The following SOX5 variants were observed in gnomAD, a reference collection of about 807,000 sequenced individuals.
SOX5 encodes transcription factor SOX-5.
In SOX5, 9 loss-of-function variants were observed where a neutral mutation model predicts 92.0. The ratio of observed to expected loss-of-function variants is 0.10; its 90% CI spans 0.06 to 0.17. The LOEUF (loss-of-function observed/expected upper bound fraction) is 0.17, where lower values mean the gene tolerates loss of function less well. Ranked by LOEUF, SOX5 falls within the 10% of genes least tolerant of loss-of-function variation. The probability of loss-of-function intolerance (pLI) is 1.00; values close to 1 mark genes in which losing one functional copy is unlikely to be tolerated. For synonymous variants in SOX5, 344 were observed against 336.3 expected, an observed-to-expected ratio of 1.02 and a Z score of -0.25; for missense variants, 642 against 944.5, an observed-to-expected ratio of 0.68 and a Z score of 4.20.
intron 1 of SOX5, among the ~76,000 whole-genome samples, chr12:23,930,469 C>A (rs148321143): frequency 3.3e-5 from 5 of 151,700 alleles, no homozygotes; most frequent in Non-Finnish European, 2.9e-5. Context: ...GAATTTGCAA[C>A]ATAGACTCAT....
At chr12:24,452,596 C>T (rs1035081777) in intron 1 of SOX5, among the ~76,000 whole-genome samples, 2 of 152,164 alleles carry the variant, frequency 1.3e-5, no homozygotes, top group African/African-American at 4.8e-5. Context: ...AAGGACATCA[C>T]CCTGCCTGTT....
intron 1 of SOX5, among the ~76,000 whole-genome samples, chr12:24,510,998 A>G (rs1448800677): frequency 6.6e-6 from 1 of 152,232 alleles, no homozygotes; most frequent in Non-Finnish European, 1.5e-5. Flanking sequence ...CTTGCTTCAC[A>G]TATGAGTATC....
At chr12:24,185,931 C>G (rs1955971888) in intron 4 of SOX5, among the ~76,000 whole-genome samples, 1 of 152,072 alleles carries the variant, frequency 6.6e-6, no homozygotes, top group Admixed American at 6.6e-5. Flanking sequence ...TGAACTCTGG[C>G]TTCATACCTA....
At chr12:24,555,272 G>T (rs2139010552) in intron 1 of SOX5, among the ~76,000 whole-genome samples, 1 of 152,334 alleles carries the variant, frequency 6.6e-6, no homozygotes, top group South Asian at 2.1e-4. Flanking sequence ...GTAAGGAAAT[G>T]AAGAGAGTTC....
chr12:24,384,521 T>G (rs979989393), intron 1 of SOX5, among the ~76,000 whole-genome samples: 3 of 152,018 alleles, frequency 2.0e-5, no homozygotes, highest in Non-Finnish European at 4.4e-5. Flanking sequence ...CTTTAAAAAG[T>G]GAAAAGGTGA....
intron 1 of SOX5, among the ~76,000 whole-genome samples, chr12:23,908,654 GA>G (rs2138289127): frequency 6.6e-6 from 1 of 151,646 alleles, no homozygotes. Flanking sequence ...TAAATTTTCC[GA>G]ACTTCTCAGC....
rs555079802 is a variant in SOX5 at position 24,309,068 on chromosome 12, G to T, written c.-173-31756C>A. 3.5e-3 allele frequency among the ~76,000 whole-genome samples: 535 copies of T among 152,288 alleles called. 1 individual carries two copies. The highest frequency in any genetic ancestry group is 6.5e-3 in the Non-Finnish European group (442 of 68,020). On this transcript the variant is annotated intron_variant, in intron 2 of 4. Coordinates refer to the SOX5 transcript ENST00000446891. ...TACATCCCTCCTCCAAAAGGGCTGG[G>T]ATTTTTCAAATAGAAACTGCAGAGA...
Position 23,872,147 on chromosome 12 carries a change from G to A in SOX5, c.270+23646C>T, listed in dbSNP as rs1429874986. Reference sequence around the variant, plus strand: ...CGAGTAGCTGGGACTACAGGCGCCCGCCACCACGCCCGGCTAATTTTTTTT... The same window carrying A: ...CGAGTAGCTGGGACTACAGGCGCCCACCACCACGCCCGGCTAATTTTTTTT... On this transcript the variant is annotated intron_variant, in intron 2 of 14. Coordinates refer to ENST00000451604, the MANE Select transcript of SOX5 (RefSeq NM_006940.6). 1.0e-4 allele frequency among the ~76,000 whole-genome samples: 13 copies of A among 129,738 alleles called. No homozygotes were observed. In the East Asian group the frequency reaches 1.6e-3, roughly 16 times the overall value. The allele number at this position is 129,738 out of a possible 152,430, so 85.1% of individuals were successfully genotyped here. A position where few individuals can be genotyped will look rare whatever the true frequency, so the allele number is the denominator to read the frequency against.
In SOX5 at chr12:23,604,407, T is replaced by C. The variant is rs1346048404; in HGVS notation, c.1144A>G (p.Ser382Gly). Reference sequence around the variant, plus strand: ...GGTACCTTGCTTTTGGGTGGTGGGCTGTTTGTGCTCTTGTCTGTGTGAATG... The same window carrying C: ...GGTACCTTGCTTTTGGGTGGTGGGCCGTTTGTGCTCTTGTCTGTGTGAATG... Reference protein sequence around the residue: ...TSIHTDKSTNSPPPKSKDEVA... With the variant: ...TSIHTDKSTNGPPPKSKDEVA... The change falls in exon 9 of 15, where the codon AGC (serine) becomes GGC (glycine). Residue 382 changes from serine (S) to glycine (G), a missense_variant. By Grantham distance (56) the Ser-to-Gly change is moderately conservative (BLOSUM62 0). Transcript: ENST00000451604. 6.2e-7 allele frequency: 1 copy of C among 1,613,658 alleles called. No individual in the cohort carries two copies.
chr12:24,113,404 T>C (rs1593276600), intron 4 of SOX5, among the ~76,000 whole-genome samples: 1 of 152,136 alleles, frequency 6.6e-6, no homozygotes, highest in East Asian at 1.9e-4. Context: ...TTTGTTTTCA[T>C]ATTTGTGTTG....
chr12:23,911,839 A>G (rs1485379082), intron 1 of SOX5, among the ~76,000 whole-genome samples: 1 of 152,166 alleles, frequency 6.6e-6, no homozygotes, highest in Non-Finnish European at 1.5e-5. Flanking sequence ...CTAAAACCAT[A>G]AACCACTTAG....
At chr12:23,704,520 C>T (rs2091099699) in intron 6 of SOX5, among the ~76,000 whole-genome samples, 1 of 151,118 alleles carries the variant, frequency 6.6e-6, no homozygotes, top group East Asian at 1.9e-4. Flanking sequence ...ACTCTACAAA[C>T]AATAAGGTGA....
chr12:24,526,628 G>GC (rs1204748250), intron 1 of SOX5, among the ~76,000 whole-genome samples: 1 of 151,896 alleles, frequency 6.6e-6, no homozygotes, highest in Non-Finnish European at 1.5e-5. Flanking sequence ...AGAAGAGTGG[G>GC]CTCCCCCAAC....
intron 3 of SOX5, among the ~76,000 whole-genome samples, chr12:24,275,956 A>G (rs987461982): frequency 9.2e-5 from 14 of 152,128 alleles, no homozygotes; most frequent in African/African-American, 2.7e-4. Flanking sequence ...TATTAGTTAT[A>G]TTCCTTATTA....
chr12:24,283,676 C>G (rs1223905110), intron 2 of SOX5, among the ~76,000 whole-genome samples: 1 of 152,174 alleles, frequency 6.6e-6, no homozygotes, highest in Non-Finnish European at 1.5e-5. Flanking sequence ...CATGTTAATT[C>G]AAATAACTAC....
intron 1 of SOX5, among the ~76,000 whole-genome samples, chr12:24,374,452 C>T (rs977461817): frequency 6.6e-6 from 1 of 152,090 alleles, no homozygotes; most frequent in African/African-American, 2.4e-5. Context: ...TGCCCATGTG[C>T]AGGGAAACTG....
chr12:24,172,867 C>T (rs1385279217), intron 4 of SOX5, among the ~76,000 whole-genome samples: 1 of 152,148 alleles, frequency 6.6e-6, no homozygotes, highest in Non-Finnish European at 1.5e-5. Flanking sequence ...CATCAATTCC[C>T]CAGGGACAAG....
chr12:24,283,828 GC>G (rs1371411606), intron 2 of SOX5, among the ~76,000 whole-genome samples: 2 of 152,086 alleles, frequency 1.3e-5, no homozygotes, highest in African/African-American at 4.8e-5. Context: ...TTTATAACAG[GC>G]AAAGTTTTAG....
intron 3 of SOX5, among the ~76,000 whole-genome samples, chr12:23,769,269 CTT>C (rs1041969354): frequency 6.6e-5 from 10 of 151,722 alleles, no homozygotes; most frequent in African/African-American, 2.4e-4. Context: ...AATTGAATCT[CTT>C]GTTTCCATAC....
Sources: allele counts gnomAD v4.1 joint callset (sites outside exome capture counted in the v4.1 genomes callset), GRCh38; gene constraint gnomAD v4.1.1; transcripts MANE v1.5; gene names NCBI Gene and HGNC (gene_info 2026-07-23, HGNC 2026-07-21).